PCSK6: variants seen among roughly 807,000 people sequenced by gnomAD.
PCSK6 encodes proprotein convertase subtilisin/kexin type 6, also known as paired basic amino acid cleaving enzyme 4.
A neutral mutation model predicts 123.3 loss-of-function variants in PCSK6; 85 were observed. The observed-to-expected ratio is 0.69, with a 90% confidence interval of 0.58 to 0.83. The LOEUF (loss-of-function observed/expected upper bound fraction) is 0.83. Ranked by LOEUF, PCSK6 falls within the 40% of genes least tolerant of loss-of-function variation. The pLI is 0.00. For synonymous variants in PCSK6, 508 were observed against 516.0 expected, an observed-to-expected ratio of 0.98 and a Z score of 0.21; for missense variants, 1,191 against 1,282.3, an observed-to-expected ratio of 0.93 and a Z score of 1.09.
At chr15:101,375,531 C>G (rs1249912583) in intron 11 of PCSK6, among the ~76,000 whole-genome samples, 1 of 152,290 alleles carries the variant, frequency 6.6e-6, no homozygotes, top group East Asian at 1.9e-4. Context: ...AATATACAGT[C>G]AATCCTCATT....
chr15:101,384,581 A>T (rs1330352561), intron 9 of PCSK6, among the ~76,000 whole-genome samples, 156 bp from the exon 10 acceptor site: 2 of 151,818 alleles, frequency 1.3e-5, no homozygotes, highest in Non-Finnish European at 2.9e-5. Context: ...TTATTTCACC[A>T]CCTCTTTGTA....
chr15:101,362,579 C>T (rs2041263794), intron 13 of PCSK6, among the ~76,000 whole-genome samples: 1 of 152,084 alleles, frequency 6.6e-6, no homozygotes, highest in African/African-American at 2.4e-5. Flanking sequence ...CCAGGTGTGG[C>T]ATCACTGCAG....
At chr15:101,446,169 C>T (rs1019569133) in intron 1 of PCSK6, among the ~76,000 whole-genome samples, 1 of 152,248 alleles carries the variant, frequency 6.6e-6, no homozygotes. Flanking sequence ...CGGGGAGGGA[C>T]GCTCCCACTG....
At chr15:101,359,703 G>A (rs953818604) in intron 13 of PCSK6, among the ~76,000 whole-genome samples, 6 of 152,236 alleles carry the variant, frequency 3.9e-5, no homozygotes, top group Admixed American at 3.9e-4. Context: ...CAGGTGCACA[G>A]GTGTGCAGGG....
intron 2 of PCSK6, among the ~76,000 whole-genome samples, chr15:101,436,384 G>C (rs187185586): frequency 1.3e-5 from 2 of 152,324 alleles, no homozygotes; most frequent in Admixed American, 1.3e-4. Flanking sequence ...GGTTCACACA[G>C]GTTCTGCACA....
At chr15:101,381,452 G>A (rs79237880) in intron 11 of PCSK6, among the ~76,000 whole-genome samples, 4 of 152,134 alleles carry the variant, frequency 2.6e-5, no homozygotes, top group African/African-American at 9.7e-5. Flanking sequence ...CCCTGCTCAC[G>A]GGAGAGAGAT....
chr15:101,394,129 G>GT (rs1320294435), intron 7 of PCSK6, among the ~76,000 whole-genome samples: 73 of 132,988 alleles, frequency 5.5e-4, no homozygotes, highest in East Asian at 8.2e-4. Context: ...TTTTCTTTCC[G>GT]TTTTTTTGTT....
At chr15:101,426,551 T>C (rs1405118368) in intron 6 of PCSK6, among the ~76,000 whole-genome samples, 1 of 151,994 alleles carries the variant, frequency 6.6e-6, no homozygotes, top group Admixed American at 6.6e-5. Context: ...CCCTTGGGGG[T>C]TAATTCTGCT....
chr15:101,343,020 G>T (rs941415609), intron 13 of PCSK6, among the ~76,000 whole-genome samples: 1 of 152,068 alleles, frequency 6.6e-6, no homozygotes. Context: ...TTAAATGTTT[G>T]GCAGAATTTG....
chr15:101,378,341 A>G (rs1437486611), intron 11 of PCSK6, among the ~76,000 whole-genome samples: 3 of 152,234 alleles, frequency 2.0e-5, no homozygotes, highest in African/African-American at 7.2e-5. Context: ...TCTGACGATC[A>G]CAACAGAGGC....
chr15:101,328,183 G>A (rs932486736), intron 15 of PCSK6, among the ~76,000 whole-genome samples: 5 of 152,232 alleles, frequency 3.3e-5, no homozygotes, highest in African/African-American at 7.2e-5. Flanking sequence ...CAGCGAACGC[G>A]GGGCTGTCGT....
At chr15:101,331,255 C>A (rs1057353535) in intron 15 of PCSK6, among the ~76,000 whole-genome samples, 4 of 152,230 alleles carry the variant, frequency 2.6e-5, no homozygotes, top group African/African-American at 9.6e-5. Flanking sequence ...TCATGCAGGG[C>A]CTTTTTAGAT....
rs2041373629 is a variant in PCSK6, at chr15:101,365,933, C to T, written c.1858+263G>A. The T allele has an allele frequency of 1.1e-5, 3 of 283,374 alleles. No individual in the cohort carries two copies. In the South Asian group the frequency reaches 3.3e-4, roughly 31 times the overall value. 17.6% of individuals were successfully genotyped at this position (283,374 alleles called of 1,614,324 possible). A position where few individuals can be genotyped will look rare whatever the true frequency, so the allele number is the denominator to read the frequency against. On this transcript the variant is annotated intron_variant, in intron 13 of 21. Transcript: ENST00000611716. ...AGGAGGGAATGGGGAGTGGCTGCTT[C>T]ATGGGTATGGGGTTTCTTTTTGTGG...
At position 101,463,985 on chromosome 15, in the gene PCSK6, A is replaced by T. The variant is rs886520902; in HGVS notation, c.298-20325T>A. On this transcript the variant is annotated intron_variant, in intron 1 of 21. Transcript: ENST00000611716. ...AGATTCCTGAGTCAAAGAGTCATTG[A>T]TGCTCAACGGCTCCAGGTCTCTTAC... Among the ~76,000 whole-genome samples the T allele has an allele frequency of 3.9e-5, 6 of 152,308 alleles. No individual in the cohort carries two copies. The South Asian group carries it at 1.0e-3, about 26-fold the overall frequency.
rs568955156 is a variant in PCSK6, at chr15:101,384,425, G to A, written c.1311C>T (p.Asn437=). 3.4e-5 allele frequency: 55 copies of A among 1,612,938 alleles called. No individual in the cohort carries two copies. In the East Asian group the frequency reaches 1.2e-3, roughly 35 times the overall value. ...AGIIALALEA[N]SQLTWRDVQH... The stretch of plus-strand genomic sequence containing the variant: ...GGACGTCCCTCCAGGTTAACTGGCT[G>A]CTGCAATGACACAACACACCCTAGA... The change falls in exon 10 of 22, where the codon AAC becomes AAT. Residue 437 remains asparagine (N), a splice_region_variant and synonymous_variant. Transcript: ENST00000611716.
rs774240971 is a variant in PCSK6, at chr15:101,331,950, G to A, written c.1940C>T (p.Ser647Leu). The change falls in exon 14 of 22, where the codon TCG becomes TTG. Residue 647 changes from serine (S) to leucine (L), a missense_variant. Ser to Leu is a moderately radical substitution (Grantham distance 145). Transcript: ENST00000611716. ...YHTFSAHQSR[S>L]RMLELSAPEL... ...TGGGGCTGAGAGCTCCAGCATCCGC[G>A]AGCGGGACTGATGGGCACTGAAGGT... is the stretch of plus-strand genomic sequence containing the variant. 1.2e-5 allele frequency: 19 copies of A among 1,613,880 alleles called. No homozygotes were observed. Among genetic ancestry groups the A allele is most frequent in the South Asian group, 5.5e-5 (5 of 91,046 alleles).
chr15:101,448,500 T>C (rs901485532), intron 1 of PCSK6, among the ~76,000 whole-genome samples: 1 of 152,234 alleles, frequency 6.6e-6, no homozygotes, highest in African/African-American at 2.4e-5. Context: ...CCAGGGATCC[T>C]CACTATTACC....
intron 2 of PCSK6, among the ~76,000 whole-genome samples, chr15:101,441,446 A>G (rs79936768): frequency 6.6e-6 from 1 of 152,030 alleles, no homozygotes; most frequent in African/African-American, 2.4e-5. Context: ...TCAGCAACAC[A>G]GAGACCTGCT....
intron 13 of PCSK6, among the ~76,000 whole-genome samples, chr15:101,362,718 C>A (rs1249614784): frequency 6.6e-6 from 1 of 152,198 alleles, no homozygotes; most frequent in Non-Finnish European, 1.5e-5. Flanking sequence ...GTACTATCCC[C>A]ATTTTCTAGA....
Sources: allele counts gnomAD v4.1 joint callset (sites outside exome capture counted in the v4.1 genomes callset), GRCh38; gene constraint gnomAD v4.1.1; transcripts MANE v1.5; gene names NCBI Gene and HGNC (gene_info 2026-07-23, HGNC 2026-07-21).